Variants in CCDC34 observed in about 807,000 individuals in gnomAD.
CCDC34 encodes coiled-coil domain containing 34, also known as coiled-coil domain-containing protein 34.
In CCDC34, 40 loss-of-function variants were observed where a neutral mutation model predicts 44.1. That is an observed-to-expected ratio of 0.91 (90% CI 0.70 to 1.18). CCDC34 has a LOEUF of 1.18. Ranked by LOEUF, CCDC34 falls within the 50% of genes most tolerant of loss-of-function variation. CCDC34 has a pLI of 0.00. For synonymous variants in CCDC34, 159 were observed against 158.2 expected (o/e 1.01, Z -0.04); for missense variants, 466 against 452.3 (o/e 1.03, Z -0.28).
At chr11:27,346,069 T>TA (rs902047487) in intron 3 of CCDC34, among the ~76,000 whole-genome samples, 66 of 151,556 alleles carry the variant, frequency 4.4e-4, no homozygotes, top group African/African-American at 1.6e-3. Flanking sequence ...TACCAACAAT[T>TA]AAAAAAACTG....
rs1373804258 is a variant in CCDC34 at position 27,338,791 on chromosome 11, C to T, written c.*30G>A. 3.3e-6 allele frequency: 5 copies of T among 1,538,052 alleles called. No homozygotes were observed. In the South Asian group the frequency reaches 5.7e-5, roughly 18 times the overall value. On this transcript the variant is annotated 3_prime_UTR_variant, in exon 6 of 6. Transcript: ENST00000328697. ...TTCTGATTTTTAAATTAAATAGCTC[C>T]AGATAAAAGCATGTTATTTTCCACA...
chr11:27,349,244 T>G, intron 3 of CCDC34: 2 of 950,344 alleles, frequency 2.1e-6, no homozygotes, highest in Non-Finnish European at 2.5e-6. Context: ...CACAGAGATT[T>G]ATTTTGATTT....
chr11:27,359,072 C>CGG (rs1862621722), intron 1 of CCDC34, among the ~76,000 whole-genome samples: 1 of 150,808 alleles, frequency 6.6e-6, no homozygotes, highest in African/African-American at 2.4e-5. Flanking sequence ...CAACCACCAT[C>CGG]TGGACAAAAC....
rs971522736 is a variant in CCDC34 at position 27,362,693 on chromosome 11, T to A, written c.359+143A>T. On this transcript the variant is annotated intron_variant, in intron 1 of 5. Coordinates refer to ENST00000328697, the MANE Select transcript of CCDC34 (RefSeq NM_030771.2). ...AAGAATTTGCACAGGGCTCTTTATG[T>A]GCAAAAAAAACCACGGCACCTCAGT... 5.0e-6 allele frequency: 4 copies of A among 807,736 alleles called. No homozygotes were observed. In the African/African-American group the frequency reaches 5.1e-5, roughly 10 times the overall value. 50.0% of individuals were successfully genotyped at this position (807,736 alleles called of 1,614,324 possible). A position where few individuals can be genotyped will look rare whatever the true frequency, so the allele number is the denominator to read the frequency against.
rs762534420 is a variant in CCDC34, at chr11:27,362,976, C to T, written c.219G>A (p.Gln73=). Residue 73 remains glutamine (Q), a synonymous_variant, in exon 1 of 6, where the codon CAG becomes CAA. Transcript: ENST00000328697. ...TRSLLSPLGH[Q]SFQFDEDDGD... ...CGTCGTCCTCGTCAAACTGGAAGCT[C>T]TGGTGGCCAAGGGGAGACAACAGCG... 3.1e-5 allele frequency: 50 copies of T among 1,614,054 alleles called. No individual in the cohort carries two copies. The highest frequency in any genetic ancestry group is 4.1e-5 in the Non-Finnish European group (48 of 1,180,034).
chr11:27,358,667 C>T (rs149555834), intron 1 of CCDC34, among the ~76,000 whole-genome samples: 70 of 152,288 alleles, frequency 4.6e-4, no homozygotes, highest in African/African-American at 1.7e-3. Flanking sequence ...CACTGTAGTG[C>T]AGTTTCAACT....
intron 3 of CCDC34, among the ~76,000 whole-genome samples, chr11:27,343,245 A>G (rs2133339550): frequency 6.6e-6 from 1 of 152,242 alleles, no homozygotes; most frequent in Non-Finnish European, 1.5e-5. Context: ...TACTAAAAAT[A>G]CAAAAAATTA....
intron 2 of CCDC34, among the ~76,000 whole-genome samples, chr11:27,356,841 C>A (rs895600646): frequency 7.7e-6 from 1 of 130,460 alleles, no homozygotes; most frequent in Admixed American, 8.4e-5. Flanking sequence ...GCACATAGGG[C>A]ACATGCTCAC....
intron 3 of CCDC34, chr11:27,349,620 A>G: frequency 5.1e-6 from 5 of 983,326 alleles, no homozygotes; most frequent in South Asian, 4.7e-5. Flanking sequence ...CAAATTGACC[A>G]CAGAATAAGT....
intron 3 of CCDC34, among the ~76,000 whole-genome samples, chr11:27,347,079 C>G (rs1393625426): frequency 1.3e-5 from 2 of 152,052 alleles, no homozygotes; most frequent in African/African-American, 4.8e-5. Context: ...TATGGAAGCT[C>G]TAGAAGACTA....
chr11:27,349,347 T>C (rs1243100283), intron 3 of CCDC34: 10 of 895,324 alleles, frequency 1.1e-5, no homozygotes, highest in Non-Finnish European at 1.2e-5. Flanking sequence ...TAAACAAATA[T>C]GGTTATAACA....
chr11:27,363,183 C>G lies in CCDC34; in HGVS notation c.12G>C (p.Ala4=). MWA[A]GRWGPTFPSS... ...AGGGAAAAGTAGGCCCCCAGCGCCC[C>G]GCCGCCCACATCTGGCCCGCCAAGT... The change falls in exon 1 of 6, where the codon GCG becomes GCC. Residue 4 remains alanine, a synonymous_variant. Transcript: ENST00000328697. 6.7e-7 allele frequency: 1 copy of G among 1,483,886 alleles called. No individual in the cohort carries two copies. The highest frequency in any genetic ancestry group is 8.9e-7 in the Non-Finnish European group (1 of 1,124,030). The allele number at this position is 1,483,886 out of a possible 1,614,324, so 91.9% of individuals were successfully genotyped here.
At chr11:27,357,565 T>C (rs1590331197) in intron 1 of CCDC34, 24 bp from the exon 2 acceptor site, 2 of 1,604,414 alleles carry the variant, frequency 1.2e-6, no homozygotes, top group South Asian at 1.1e-5. Context: ...GCTACTATAG[T>C]ACTTGTACAA....
intron 2 of CCDC34, among the ~76,000 whole-genome samples, chr11:27,351,751 A>G (rs1218416782): frequency 6.6e-6 from 1 of 152,120 alleles, no homozygotes; most frequent in Non-Finnish European, 1.5e-5. Flanking sequence ...AAGGGAAGGG[A>G]AGATGAGGAG....
chr11:27,340,949 GC>G, intron 4 of CCDC34, 112 bp from the exon 5 acceptor site: 1 of 855,008 alleles, frequency 1.2e-6, no homozygotes, highest in Non-Finnish European at 1.8e-6. Flanking sequence ...TGGCTTACTG[GC>G]CATAATACTG....
At chr11:27,342,075 T>A (rs1590322141) in intron 3 of CCDC34, among the ~76,000 whole-genome samples, 1 of 152,106 alleles carries the variant, frequency 6.6e-6, no homozygotes, top group Non-Finnish European at 1.5e-5. Flanking sequence ...TTATTAGGCT[T>A]CCCCAGCCAC....
rs1234354950 is a variant in CCDC34 at position 27,362,952 on chromosome 11, G to A, written c.243C>T (p.Asp81=). The change falls in exon 1 of 6, where the codon GAC becomes GAT. Residue 81 remains aspartate (D), a synonymous_variant. Transcript: ENST00000328697. ...GHQSFQFDED[D]GDGEDEEDVD... is the part of the protein sequence containing the mutation. ...CGTCTTCCTCATCCTCCCCGTCACC[G>A]TCGTCCTCGTCAAACTGGAAGCTCT... The A allele has an allele frequency of 1.4e-5, 23 of 1,613,868 alleles. No individual in the cohort carries two copies. The highest frequency in any genetic ancestry group is 1.9e-5 in the Non-Finnish European group (22 of 1,179,952).
At chr11:27,350,090 A>G (rs1862484581) in intron 3 of CCDC34, 4 of 1,372,132 alleles carry the variant, frequency 2.9e-6, no homozygotes, top group Middle Eastern at 2.7e-4. Flanking sequence ...AGAAATACAG[A>G]CTTGGTGACT....
rs772307472 is a variant in CCDC34, at chr11:27,350,397, G to A, written c.541C>T (p.Arg181Cys). 28 of 1,609,624 alleles carry A rather than the reference G, an allele frequency of 1.7e-5. 1 individual carries two copies. In the South Asian group the frequency reaches 2.3e-4, roughly 13 times the overall value. ...TCAGCAATTATCTTTCTTTTTTCAC[G>A]TTCTTCCATTTCTTTTCTTTTTTCT... ...QLEKRKEMEE[R>C]EKRKIIAEEK... Residue 181 changes from arginine (R) to cysteine (C), a missense_variant, in exon 3 of 6, where the codon CGT becomes TGT. Physicochemically the swap from Arg to Cys is radical, Grantham distance 180 (BLOSUM62 -3). Transcript: ENST00000328697.
Sources: allele counts gnomAD v4.1 joint callset (sites outside exome capture counted in the v4.1 genomes callset), GRCh38; gene constraint gnomAD v4.1.1; transcripts MANE v1.5; gene names NCBI Gene and HGNC (gene_info 2026-07-23, HGNC 2026-07-21).